ABCB9: variants seen among roughly 807,000 people sequenced by gnomAD.
ABCB9 encodes ATP binding cassette subfamily B member 9, also known as ABC-type oligopeptide transporter ABCB9.
Under a neutral mutation model 62.0 loss-of-function variants are expected in ABCB9, and 36 were observed. The observed-to-expected ratio is 0.58, with a 90% confidence interval of 0.45 to 0.77. ABCB9 has a LOEUF of 0.77. ABCB9 is among the 30% of genes least tolerant of loss of function. The probability of loss-of-function intolerance (pLI) is 0.00; values close to 1 mark genes in which losing one functional copy is unlikely to be tolerated. For synonymous variants in ABCB9, 435 were observed against 461.4 expected (o/e 0.94, Z 0.73); for missense variants, 943 against 1,054.7 (o/e 0.89, Z 1.47).
upstream of ABCB9, among the ~76,000 whole-genome samples, chr12:122,969,791 CA>C (rs1241923317): frequency 6.6e-6 from 1 of 151,110 alleles, no homozygotes; most frequent in Non-Finnish European, 1.5e-5. Flanking sequence ...AAAGGAAATG[CA>C]AATTAAAACA....
At chr12:122,928,517 C>T, downstream of ABCB9, among the ~76,000 whole-genome samples, 1 of 151,858 alleles carries the variant, frequency 6.6e-6, no homozygotes, top group Non-Finnish European at 1.5e-5. Flanking sequence ...TGGCACAGAG[C>T]CCTCCTCCTG....
In ABCB9 at chr12:122,930,271, G is replaced by T; in HGVS notation, c.2041-100C>A. 1.6e-6 allele frequency: 2 copies of T among 1,233,788 alleles called. No individual in the cohort carries two copies. The highest frequency in any genetic ancestry group is 2.2e-6 in the Non-Finnish European group (2 of 905,906). The allele number at this position is 1,233,788 out of a possible 1,614,324, so 76.4% of individuals were successfully genotyped here. A position where few individuals can be genotyped will look rare whatever the true frequency, so the allele number is the denominator to read the frequency against. On this transcript the variant is annotated intron_variant, in intron 11 of 11. Coordinates refer to ENST00000280560, the MANE Select transcript of ABCB9 (RefSeq NM_019625.4). This position sits in a 1 kb window ranked among gnomAD's most constrained non-coding sequence, Gnocchi z 4.9. ...TGGGCTGATGCTTAACCTCTCTGAGGCTCAGTTCACAAACGATGGCCAGCT... is the reference window on the plus strand; with the variant it reads ...TGGGCTGATGCTTAACCTCTCTGAGTCTCAGTTCACAAACGATGGCCAGCT...
In ABCB9 at chr12:122,944,491, A is replaced by G; in HGVS notation, c.1280T>C (p.Ile427Thr). 6.2e-7 allele frequency: 1 copy of G among 1,614,026 alleles called. No homozygotes were observed. Among genetic ancestry groups the G allele is most frequent in the South Asian group, 1.1e-5 (1 of 91,082 alleles). Residue 427 changes from isoleucine (I) to threonine (T), a missense_variant, in exon 7 of 12, where the codon ATC becomes ACC. Transcript: ENST00000280560. The surrounding 1 kb of genome is among the most constrained non-coding windows in gnomAD (Gnocchi z 4.9). Reference sequence around the variant, plus strand: ...GACAAGGTGGCCCCCGTAGTAGAGGATGCTGACCTGGACCACCAGCAGTGT... The same window carrying G: ...GACAAGGTGGCCCCCGTAGTAGAGGGTGCTGACCTGGACCACCAGCAGTGT... ...GLTLLVVQVS[I>T]LYYGGHLVIS... is the part of the protein sequence containing the mutation.
At chr12:122,963,250 A>G (rs1352966200) in intron 1 of ABCB9, among the ~76,000 whole-genome samples, 1 of 152,154 alleles carries the variant, frequency 6.6e-6, no homozygotes, top group Non-Finnish European at 1.5e-5. Context: ...GTGAGCCGAG[A>G]TTGCGCCACT....
Position 122,966,391 on chromosome 12 carries a change from T to C in ABCB9, c.-192A>G, listed in dbSNP as rs903739958. ...TTGAAGACTGCGCCGGACGCGGTCC[T>C]CGCTCCGCTCTTCCCGCTGCTCCTC... is the stretch of plus-strand genomic sequence containing the variant. On this transcript the variant is annotated 5_prime_UTR_variant, in exon 1 of 12. Coordinates refer to ENST00000280560, the MANE Select transcript of ABCB9 (RefSeq NM_019625.4). 1 of 152,474 alleles carries C rather than the reference T, an allele frequency of 6.6e-6. No individual in the cohort carries two copies. Among genetic ancestry groups the C allele is most frequent in the Non-Finnish European group, 1.5e-5 (1 of 68,246 alleles). 9.4% of individuals were successfully genotyped at this position (152,474 alleles called of 1,614,324 possible). A position where few individuals can be genotyped will look rare whatever the true frequency, so the allele number is the denominator to read the frequency against.
In ABCB9 at chr12:122,948,721, A is replaced by T; in HGVS notation, c.956T>A (p.Val319Asp). The T allele has an allele frequency of 6.2e-7, 1 of 1,614,004 alleles. No homozygotes were observed. The highest frequency in any genetic ancestry group is 2.2e-5 in the East Asian group (1 of 44,862). ...RNTVKVTGVV[V>D]FMFSLSWQLS... ...CTGCCATGAGAGGCTGAACATGAAG[A>T]CCACCACGCCCGTGACCTTGACTGT... Residue 319 changes from valine to aspartate, a missense_variant, in exon 5 of 12, where the codon GTC (valine) becomes GAC (aspartate). Val to Asp is a radical substitution (Grantham distance 152). Transcript: ENST00000280560.
rs1227453552 is a variant in ABCB9 at position 122,932,149 on chromosome 12, G to A, written c.2040+43C>T. On this transcript the variant is annotated intron_variant, in intron 11 of 11. Transcript: ENST00000280560. The surrounding 1 kb of genome is among the most constrained non-coding windows in gnomAD (Gnocchi z 4.7). Reference sequence around the variant, plus strand: ...GGGCGATGGGGGCTCTGGCCACCTGGAGCCGCTCCTGCCCCCGCATTGCCC... The same window carrying A: ...GGGCGATGGGGGCTCTGGCCACCTGAAGCCGCTCCTGCCCCCGCATTGCCC... 1.3e-6 allele frequency: 2 copies of A among 1,550,380 alleles called. No individual in the cohort carries two copies. Among genetic ancestry groups the A allele is most frequent in the East Asian group, 2.4e-5 (1 of 40,926 alleles).
At chr12:122,969,890 G>A (rs2037251144), upstream of ABCB9, among the ~76,000 whole-genome samples, 1 of 152,142 alleles carries the variant, frequency 6.6e-6, no homozygotes, top group South Asian at 2.1e-4. Context: ...AGGAACAACA[G>A]GGACTCTCAT....
intron 2 of ABCB9, among the ~76,000 whole-genome samples, chr12:122,957,042 T>A (rs1363917703): frequency 6.6e-6 from 1 of 151,900 alleles, no homozygotes; most frequent in Admixed American, 6.6e-5. Flanking sequence ...TTCTCCTATT[T>A]TTTTTTTTTT....
Position 122,959,506 on chromosome 12 carries a change from T to C in ABCB9, c.601+129A>G. The C allele has an allele frequency of 2.1e-6, 3 of 1,436,516 alleles. No individual in the cohort carries two copies. The highest frequency in any genetic ancestry group is 2.8e-6 in the Non-Finnish European group (3 of 1,071,332). 89.0% of individuals were successfully genotyped at this position (1,436,516 alleles called of 1,614,324 possible). A position where few individuals can be genotyped will look rare whatever the true frequency, so the allele number is the denominator to read the frequency against. ...GATTATAGATATGAGCCACTATGCC[T>C]GGCCTCTTTTCCTTTTCATATCAAT... On this transcript the variant is annotated intron_variant, in intron 2 of 11. Transcript: ENST00000280560. The surrounding 1 kb of genome is among the most constrained non-coding windows in gnomAD (Gnocchi z 5.4).
At position 122,929,044 on chromosome 12, in the gene ABCB9, A is replaced by G. The variant is rs780044363; in HGVS notation, c.*867T>C. On this transcript the variant is annotated 3_prime_UTR_variant, in exon 12 of 12. Transcript: ENST00000280560. This position sits in a 1 kb window ranked among gnomAD's most constrained non-coding sequence, Gnocchi z 6.0. Reference sequence around the variant, plus strand: ...TGACCGGGTTCTCTCAACATGTTGCAACCTCTGGCAAAGCCAGATCCTGGG... The same window carrying G: ...TGACCGGGTTCTCTCAACATGTTGCGACCTCTGGCAAAGCCAGATCCTGGG... 63 of 985,822 alleles carry G rather than the reference A, an allele frequency of 6.4e-5. No individual in the cohort carries two copies. The highest frequency in any genetic ancestry group is 7.2e-5 in the Non-Finnish European group (60 of 829,998). 61.1% of individuals were successfully genotyped at this position (985,822 alleles called of 1,614,324 possible).
At chr12:122,973,164 A>T (rs1389684370) in intron 1 of ABCB9, 1 of 152,296 alleles carries the variant, frequency 6.6e-6, no homozygotes, top group Non-Finnish European at 1.5e-5. Context: ...AGTGTCTGGA[A>T]GGAGGAGAGG....
rs1276686693 is a variant in ABCB9 at position 122,940,302 on chromosome 12, G to A, written c.1570-18C>T. On this transcript the variant is annotated intron_variant, in intron 8 of 11. Coordinates refer to ENST00000280560, the MANE Select transcript of ABCB9 (RefSeq NM_019625.4). The surrounding 1 kb of genome is among the most constrained non-coding windows in gnomAD (Gnocchi z 4.8). ...GAGACATTCTGCAAAGAACACACAG[G>A]CACAGTGCGGGGTTATCGGCTCAGG... 1.3e-6 allele frequency: 2 copies of A among 1,568,378 alleles called. No homozygotes were observed. Among genetic ancestry groups the A allele is most frequent in the Admixed American group, 3.6e-5 (2 of 55,286 alleles).
Position 122,947,477 on chromosome 12 carries a change from C to T in ABCB9, c.1053+1147G>A, listed in dbSNP as rs955971668. ...AATGGAGCTGCGACAATGACTTACC[C>T]GGCACCACCTGGAGGCCGTCATGCA... On this transcript the variant is annotated intron_variant, in intron 5 of 11. Transcript: ENST00000280560. The surrounding 1 kb of genome is among the most constrained non-coding windows in gnomAD (Gnocchi z 6.0). 3.3e-5 allele frequency: 15 copies of T among 454,988 alleles called. No individual in the cohort carries two copies. Among genetic ancestry groups the T allele is most frequent in the Middle Eastern group, 3.3e-4 (1 of 3,060 alleles). 28.2% of individuals were successfully genotyped at this position (454,988 alleles called of 1,614,324 possible). A position where few individuals can be genotyped will look rare whatever the true frequency, so the allele number is the denominator to read the frequency against.
chr12:122,960,358 T>A, intron 1 of ABCB9, 36 bp from the exon 2 acceptor site: 1 of 1,371,784 alleles, frequency 7.3e-7, no homozygotes, highest in Non-Finnish European at 9.7e-7. Context: ...CACAAGGGGT[T>A]CAGGTTTGCC....
exon 1 of ABCB9, chr12:122,974,929 T>G (rs2135949175): frequency 4.3e-6 from 1 of 230,436 alleles, no homozygotes; most frequent in Non-Finnish European, 8.5e-6. Context: ...GGGTCGGCGT[T>G]TAAGTCAAAG....
intron 7 of ABCB9, among the ~76,000 whole-genome samples, chr12:122,941,999 G>C (rs997643143): frequency 1.4e-4 from 21 of 152,152 alleles, no homozygotes; most frequent in African/African-American, 5.1e-4. Context: ...AAAGTGCTGG[G>C]ATTACAGGTG....
chr12:122,940,693 T>G lies in ABCB9; in HGVS notation c.1569+114A>C. The G allele has an allele frequency of 1.6e-5, 21 of 1,307,924 alleles. No homozygotes were observed. Among genetic ancestry groups the G allele is most frequent in the Middle Eastern group, 2.3e-4 (1 of 4,402 alleles). The allele number at this position is 1,307,924 out of a possible 1,614,324, so 81.0% of individuals were successfully genotyped here. A position where few individuals can be genotyped will look rare whatever the true frequency, so the allele number is the denominator to read the frequency against. The stretch of plus-strand genomic sequence containing the variant: ...GGAGCCCAAAACTCCTGGAGGGCAA[T>G]GATCTTGCCTGACATATTCCCAGCT... On this transcript the variant is annotated intron_variant, in intron 8 of 11. Transcript: ENST00000280560. The surrounding 1 kb of genome is among the most constrained non-coding windows in gnomAD (Gnocchi z 4.8).
At position 122,930,334 on chromosome 12, in the gene ABCB9, G is replaced by A. The variant is rs1462864699; in HGVS notation, c.2041-163C>T. On this transcript the variant is annotated intron_variant, in intron 11 of 11. Coordinates refer to ENST00000280560, the MANE Select transcript of ABCB9 (RefSeq NM_019625.4). This position sits in a 1 kb window ranked among gnomAD's most constrained non-coding sequence, Gnocchi z 4.9. Reference sequence around the variant, plus strand: ...CTTAAAGGGAGACAGCTCAGGGCCAGACACAATGAGGCACCTGGTGAATGG... The same window carrying A: ...CTTAAAGGGAGACAGCTCAGGGCCAAACACAATGAGGCACCTGGTGAATGG... Among the ~76,000 whole-genome samples, 1 of 151,866 alleles carries A rather than the reference G, an allele frequency of 6.6e-6. No individual in the cohort carries two copies. The highest frequency in any genetic ancestry group is 1.5e-5 in the Non-Finnish European group (1 of 67,984).
Sources: gnomAD v4.1 joint callset for allele counts (sites outside exome capture counted in the v4.1 genomes callset) on GRCh38, gnomAD v4.1.1 for gene constraint, Gnocchi (gnomAD v3.1) non-coding constraint, MANE v1.5 for transcripts, NCBI Gene and HGNC (gene_info 2026-07-23, HGNC 2026-07-21) for gene names.